Variants in NAALADL2 observed in about 807,000 individuals in gnomAD.
NAALADL2 encodes the protein inactive N-acetylated-alpha-linked acidic dipeptidase-like protein 2.
NAALADL2 carries 76 observed loss-of-function variants against 87.2 expected under a neutral mutation model. The ratio of observed to expected loss-of-function variants is 0.87; its 90% CI spans 0.72 to 1.05. NAALADL2 has a LOEUF of 1.05. Among genes scored for constraint, NAALADL2 ranks in the 50% least tolerant of loss-of-function variants. NAALADL2 has a pLI of 0.00. For synonymous variants in NAALADL2, 354 were observed against 331.0 expected (o/e 1.07, Z -0.75); for missense variants, 1,089 against 945.8 (o/e 1.15, Z -1.99).
At chr3:175,381,625 G>A (rs1040220186) in intron 5 of NAALADL2, among the ~76,000 whole-genome samples, 6 of 151,926 alleles carry the variant, frequency 3.9e-5, no homozygotes, top group African/African-American at 4.8e-5. Context: ...ATTATAGAGC[G>A]ATAATGAGTT....
chr3:174,717,355 G>A (rs1285302660), intron 2 of NAALADL2, among the ~76,000 whole-genome samples: 1 of 152,122 alleles, frequency 6.6e-6, no homozygotes, highest in Non-Finnish European at 1.5e-5. Context: ...CTTTCAGTTT[G>A]TCGGCTGAAG....
At chr3:175,115,564 C>G (rs997827233) in intron 2 of NAALADL2, among the ~76,000 whole-genome samples, 1 of 151,514 alleles carries the variant, frequency 6.6e-6, no homozygotes, top group African/African-American at 2.4e-5. Context: ...AAAGAGAATG[C>G]TATTAAGCAG....
At chr3:175,227,683 A>G (rs1371524906) in intron 2 of NAALADL2, among the ~76,000 whole-genome samples, 2 of 152,130 alleles carry the variant, frequency 1.3e-5, no homozygotes, top group Non-Finnish European at 1.5e-5. Context: ...GACATTCTCA[A>G]TAAAATCTAT....
chr3:175,008,155 A>T (rs1270245819), intron 1 of NAALADL2, among the ~76,000 whole-genome samples: 1 of 152,112 alleles, frequency 6.6e-6, no homozygotes, highest in African/African-American at 2.4e-5. Flanking sequence ...AGGTGAGAGG[A>T]TCAATTAAGG....
chr3:175,462,988 G>A (rs533666191), intron 6 of NAALADL2, among the ~76,000 whole-genome samples: 2 of 152,176 alleles, frequency 1.3e-5, no homozygotes, highest in African/African-American at 4.8e-5. Context: ...TTGTCCACAT[G>A]TTCTTTATCT....
chr3:175,578,269 A>G (rs1274503525), intron 10 of NAALADL2, among the ~76,000 whole-genome samples: 1 of 152,050 alleles, frequency 6.6e-6, no homozygotes, highest in Non-Finnish European at 1.5e-5. Context: ...GCAATAATAC[A>G]AAAATCAGCT....
intron 1 of NAALADL2, among the ~76,000 whole-genome samples, chr3:174,917,325 A>C (rs2108331870): frequency 6.6e-6 from 1 of 152,288 alleles, no homozygotes; most frequent in Non-Finnish European, 1.5e-5. Context: ...CATTGTGATT[A>C]CTGTGCTTAA....
chr3:175,454,679 G>C (rs1722070949), intron 6 of NAALADL2, among the ~76,000 whole-genome samples: 1 of 152,028 alleles, frequency 6.6e-6, no homozygotes, highest in African/African-American at 2.4e-5. Context: ...TTAATTTCTT[G>C]CTAATTCTTA....
chr3:175,289,100 T>C (rs1755330240), intron 4 of NAALADL2, among the ~76,000 whole-genome samples: 1 of 150,712 alleles, frequency 6.6e-6, no homozygotes, highest in Non-Finnish European at 1.5e-5. Context: ...AGCTGTTATC[T>C]TAAATATTAA....
At chr3:175,572,264 C>T (rs1013233521) in intron 9 of NAALADL2, among the ~76,000 whole-genome samples, 3 of 152,122 alleles carry the variant, frequency 2.0e-5, no homozygotes, top group South Asian at 2.1e-4. Flanking sequence ...AGTCACTCAA[C>T]CCTCTTTTTC....
chr3:175,552,899 T>C (rs1348011467), intron 9 of NAALADL2, among the ~76,000 whole-genome samples: 1 of 152,180 alleles, frequency 6.6e-6, no homozygotes, highest in Admixed American at 6.5e-5. Context: ...TTTAAGTGAT[T>C]ATATTTTAAG....
chr3:174,818,106 A>T (rs915123619), intron 3 of NAALADL2, among the ~76,000 whole-genome samples: 5 of 152,208 alleles, frequency 3.3e-5, no homozygotes, highest in Non-Finnish European at 7.3e-5. Context: ...AAAAGGACAC[A>T]GGCTGTGCAC....
chr3:174,859,837 G>A (rs1579239103), intron 1 of NAALADL2, among the ~76,000 whole-genome samples: 1 of 152,090 alleles, frequency 6.6e-6, no homozygotes, highest in Admixed American at 6.6e-5. Context: ...TACCTGTGGA[G>A]TGTTTATTGG....
chr3:175,687,618 G>A (rs779013821), intron 11 of NAALADL2, among the ~76,000 whole-genome samples: 6 of 152,092 alleles, frequency 3.9e-5, no homozygotes, highest in Non-Finnish European at 5.9e-5. Context: ...ATGCTGCCTT[G>A]GTATTTGTTA....
chr3:175,317,510 T>G (rs986226023), intron 4 of NAALADL2, among the ~76,000 whole-genome samples: 1 of 152,094 alleles, frequency 6.6e-6, no homozygotes, highest in South Asian at 2.1e-4. Context: ...ATAGAAATAT[T>G]TGGCCATCCC....
chr3:175,752,458 G>T (rs932010267), intron 12 of NAALADL2, among the ~76,000 whole-genome samples: 2 of 152,058 alleles, frequency 1.3e-5, no homozygotes, highest in African/African-American at 2.4e-5. Flanking sequence ...GAAAGGTAAG[G>T]TTTCTTTCTG....
chr3:175,040,863 A>C (rs1347207435), intron 1 of NAALADL2, among the ~76,000 whole-genome samples: 1 of 152,144 alleles, frequency 6.6e-6, no homozygotes, highest in Non-Finnish European at 1.5e-5. Flanking sequence ...ACAGAACCCC[A>C]TATTTAAAAA....
intron 3 of NAALADL2, among the ~76,000 whole-genome samples, chr3:174,742,705 G>A (rs970531238): frequency 4.0e-5 from 6 of 151,504 alleles, no homozygotes; most frequent in Admixed American, 2.0e-4. Context: ...ACATGTGTGA[G>A]AAAAATATAA....
Position 175,785,858 on chromosome 3 carries a change from G to A in NAALADL2, c.2190-17147G>A, listed in dbSNP as rs1325984106. 2.4e-3 allele frequency among the ~76,000 whole-genome samples: 354 copies of A among 148,368 alleles called. 3 individuals carry two copies. The highest frequency in any genetic ancestry group is 4.2e-3 in the African/African-American group (159 of 37,906). ...TGGCTGGTACCGGTTGTTCCTTTCT[G>A]TGTTTAGCACTTCCTTCAGGAGCTC... On this transcript the variant is annotated intron_variant, in intron 13 of 13. Transcript: ENST00000454872.
Sources: allele counts gnomAD v4.1 joint callset (sites outside exome capture counted in the v4.1 genomes callset), GRCh38; gene constraint gnomAD v4.1.1; transcripts MANE v1.5; gene names NCBI Gene and HGNC (gene_info 2026-07-23, HGNC 2026-07-21).